The following TWSG1 variants were observed in gnomAD, a reference collection of about 807,000 sequenced individuals.
TWSG1 encodes twisted gastrulation BMP signaling modulator 1.
TWSG1 carries 15 observed loss-of-function variants against 23.0 expected under a neutral mutation model. That is an observed-to-expected ratio of 0.65 (90% CI 0.44 to 1.00). The LOEUF (loss-of-function observed/expected upper bound fraction) is 1.00, where lower values mean the gene tolerates loss of function less well. Ranked by LOEUF, TWSG1 falls within the 50% of genes least tolerant of loss-of-function variation. The pLI, the probability that TWSG1 is intolerant of heterozygous loss-of-function variation, is 0.00. For synonymous variants in TWSG1, 86 were observed against 92.8 expected, an observed-to-expected ratio of 0.93 and a Z score of 0.42; for missense variants, 242 against 278.7, an observed-to-expected ratio of 0.87 and a Z score of 0.94.
chr18:9,336,622 A>G (rs1184391777), intron 1 of TWSG1, among the ~76,000 whole-genome samples: 1 of 152,154 alleles, frequency 6.6e-6, no homozygotes. Context: ...TAAAATTATA[A>G]TACAATATTA....
intron 2 of TWSG1, among the ~76,000 whole-genome samples, chr18:9,339,176 G>A (rs2040435143): frequency 6.6e-6 from 1 of 150,926 alleles, no homozygotes; most frequent in African/African-American, 2.4e-5. Flanking sequence ...CTGCACTGAA[G>A]CCTGGGTGAC....
At chr18:9,359,090 C>T (rs1053083140) in intron 2 of TWSG1, among the ~76,000 whole-genome samples, 4 of 152,100 alleles carry the variant, frequency 2.6e-5, no homozygotes, top group Non-Finnish European at 4.4e-5. Context: ...TGGGTTAAAA[C>T]AATAGCCATT....
rs1231320891 is a variant in TWSG1 at position 9,382,572 on chromosome 18, G to C, written c.224-13708G>C. Among the ~76,000 whole-genome samples the C allele has an allele frequency of 6.6e-5, 10 of 151,196 alleles. No individual in the cohort carries two copies. In the East Asian group the frequency reaches 1.9e-3, roughly 29 times the overall value. On this transcript the variant is annotated intron_variant, in intron 3 of 4. Transcript: ENST00000262120. Reference sequence around the variant, plus strand: ...CTCACACCTATAATCCCAGCACTTTGGGAGGCTGAGGCGGGCAGATCACCT... The same window carrying C: ...CTCACACCTATAATCCCAGCACTTTCGGAGGCTGAGGCGGGCAGATCACCT...
intron 2 of TWSG1, among the ~76,000 whole-genome samples, chr18:9,349,102 T>C (rs1035106482): frequency 4.6e-5 from 7 of 152,328 alleles, no homozygotes; most frequent in African/African-American, 1.7e-4. Flanking sequence ...TTGGGTGTAC[T>C]TCCTTGCTCA....
At chr18:9,371,723 G>T (rs1417244035) in intron 3 of TWSG1, among the ~76,000 whole-genome samples, 1 of 151,248 alleles carries the variant, frequency 6.6e-6, no homozygotes, top group Non-Finnish European at 1.5e-5. Context: ...TTCTCCAGTA[G>T]CAATGAACAC....
chr18:9,348,318 G>C lies in TWSG1; in HGVS notation c.123+10966G>C, dbSNP rs559214504. On this transcript the variant is annotated intron_variant, in intron 2 of 4. Transcript: ENST00000262120. ...ACTGATCTGATAGAAACCTGAACTTGAACATCCTCTTTTTATCCCTGTTCT... is the reference window on the plus strand; with the variant it reads ...ACTGATCTGATAGAAACCTGAACTTCAACATCCTCTTTTTATCCCTGTTCT... 5.3e-5 allele frequency among the ~76,000 whole-genome samples: 8 copies of C among 152,312 alleles called. No homozygotes were observed. In the South Asian group the frequency reaches 1.7e-3, roughly 32 times the overall value.
intron 2 of TWSG1, among the ~76,000 whole-genome samples, chr18:9,358,556 T>G (rs1391193339): frequency 6.6e-6 from 1 of 152,148 alleles, no homozygotes; most frequent in Admixed American, 6.5e-5. Flanking sequence ...CATGAAAAAT[T>G]AGAACGGCTT....
At chr18:9,353,776 T>G (rs988449281) in intron 2 of TWSG1, among the ~76,000 whole-genome samples, 5 of 152,302 alleles carry the variant, frequency 3.3e-5, no homozygotes, top group Admixed American at 3.3e-4. Context: ...CTTCTCCACA[T>G]GAGGAACAAC....
At chr18:9,385,831 G>A (rs866700960) in intron 3 of TWSG1, among the ~76,000 whole-genome samples, 4 of 152,022 alleles carry the variant, frequency 2.6e-5, no homozygotes, top group African/African-American at 4.8e-5. Context: ...TATCATGTCT[G>A]TATTATGAAA....
At position 9,396,274 on chromosome 18, in the gene TWSG1, A is replaced by G. The variant is rs374235204; in HGVS notation, c.224-6A>G. ...ACAAAATCTTATGATATTACCCCCA[A>G]CCCAGGTATGTGTAATCCTCGAAAT... is the stretch of plus-strand genomic sequence containing the variant. On this transcript the variant is annotated splice_polypyrimidine_tract_variant and splice_region_variant and intron_variant, in intron 3 of 4. Coordinates refer to ENST00000262120, the MANE Select transcript of TWSG1 (RefSeq NM_020648.6). 5.6e-6 allele frequency: 9 copies of G among 1,613,396 alleles called. No individual in the cohort carries two copies. Among genetic ancestry groups the G allele is most frequent in the Non-Finnish European group, 7.6e-6 (9 of 1,179,410 alleles).
At chr18:9,372,571 T>C (rs1256644077) in intron 3 of TWSG1, among the ~76,000 whole-genome samples, 1 of 148,686 alleles carries the variant, frequency 6.7e-6, no homozygotes, top group Non-Finnish European at 1.5e-5. Flanking sequence ...TAATATATGC[T>C]TATGTTTGCT....
At chr18:9,346,950 A>C (rs1200328981) in intron 2 of TWSG1, among the ~76,000 whole-genome samples, 1 of 152,230 alleles carries the variant, frequency 6.6e-6, no homozygotes, top group African/African-American at 2.4e-5. Flanking sequence ...TCCTACCAGC[A>C]ATGAATGAGA....
At chr18:9,337,612 C>T (rs915148465) in intron 2 of TWSG1, among the ~76,000 whole-genome samples, 3 of 151,944 alleles carry the variant, frequency 2.0e-5, no homozygotes, top group Non-Finnish European at 4.4e-5. Flanking sequence ...AGGTGATGAG[C>T]ACTCTATTCA....
At chr18:9,364,271 G>A (rs781334888) in intron 3 of TWSG1, among the ~76,000 whole-genome samples, 4 of 152,180 alleles carry the variant, frequency 2.6e-5, no homozygotes, top group Admixed American at 2.6e-4. Context: ...AGTTAGATAT[G>A]AAGGCTTGAT....
intron 3 of TWSG1, among the ~76,000 whole-genome samples, chr18:9,387,637 G>T (rs2145630300): frequency 6.6e-6 from 1 of 152,050 alleles, no homozygotes; most frequent in East Asian, 1.9e-4. Context: ...GGATGTGGTG[G>T]CAGGTGCCTG....
At chr18:9,391,826 T>C (rs1181856053) in intron 3 of TWSG1, among the ~76,000 whole-genome samples, 1 of 152,246 alleles carries the variant, frequency 6.6e-6, no homozygotes, top group Non-Finnish European at 1.5e-5. Flanking sequence ...TTAGCAGGAA[T>C]GAAAGCAACA....
At position 9,400,813 on chromosome 18, in the gene TWSG1, A is replaced by G. The variant is rs767347836; in HGVS notation, c.*1286A>G. 5.9e-5 allele frequency: 9 copies of G among 152,226 alleles called. No individual in the cohort carries two copies. Among genetic ancestry groups the G allele is most frequent in the Non-Finnish European group, 1.0e-4 (7 of 68,038 alleles). 9.4% of individuals were successfully genotyped at this position (152,226 alleles called of 1,614,324 possible). A position where few individuals can be genotyped will look rare whatever the true frequency, so the allele number is the denominator to read the frequency against. The stretch of plus-strand genomic sequence containing the variant: ...TCAATAAAGATACTATGTGCCCTTC[A>G]TAGTAATAAAATCTCAATCTTAAAG... On this transcript the variant is annotated 3_prime_UTR_variant, in exon 5 of 5. Coordinates refer to ENST00000262120, the MANE Select transcript of TWSG1 (RefSeq NM_020648.6).
At position 9,399,663 on chromosome 18, in the gene TWSG1, A is replaced by G; in HGVS notation, c.*136A>G. The G allele has an allele frequency of 4.0e-6, 3 of 753,356 alleles. No homozygotes were observed. The highest frequency in any genetic ancestry group is 6.2e-6 in the Non-Finnish European group (3 of 486,712). The allele number at this position is 753,356 out of a possible 1,614,324, so 46.7% of individuals were successfully genotyped here. ...AGACTTTGGAATAAGTTTCTTTTAA[A>G]AATATGACATAGCCAGTGATGTGTT... On this transcript the variant is annotated 3_prime_UTR_variant, in exon 5 of 5. Coordinates refer to ENST00000262120, the MANE Select transcript of TWSG1 (RefSeq NM_020648.6).
chr18:9,351,282 G>A (rs899426240), intron 2 of TWSG1, among the ~76,000 whole-genome samples: 1 of 151,972 alleles, frequency 6.6e-6, no homozygotes, highest in Non-Finnish European at 1.5e-5. Flanking sequence ...GAAAAAAAGA[G>A]TAAAACGTTC....
Sources: allele counts gnomAD v4.1 joint callset (sites outside exome capture counted in the v4.1 genomes callset), GRCh38; gene constraint gnomAD v4.1.1; transcripts MANE v1.5; gene names NCBI Gene and HGNC (gene_info 2026-07-23, HGNC 2026-07-21).